MAP7: variants seen among roughly 807,000 people sequenced by gnomAD.
MAP7 encodes the protein microtubule associated protein 7, also known as ensconsin.
A neutral mutation model predicts 94.8 loss-of-function variants in MAP7; 52 were observed. That is an observed-to-expected ratio of 0.55 (90% CI 0.44 to 0.69). The LOEUF is 0.69. Among genes scored for constraint, MAP7 ranks in the 30% least tolerant of loss-of-function variants. The probability of loss-of-function intolerance (pLI) is 0.00; values close to 1 mark genes in which losing one functional copy is unlikely to be tolerated. For missense variants in MAP7, 940 were observed against 964.6 expected (o/e 0.97, Z 0.34); for synonymous variants, 350 against 357.0 (o/e 0.98, Z 0.22).
chr6:136,409,918 G>T (rs1232448572), intron 3 of MAP7, among the ~76,000 whole-genome samples: 2 of 152,160 alleles, frequency 1.3e-5, no homozygotes, highest in Admixed American at 1.3e-4. Context: ...TTGAAATATG[G>T]CATTACATGT....
At chr6:136,466,444 A>G (rs1807099087) in intron 1 of MAP7, among the ~76,000 whole-genome samples, 1 of 152,190 alleles carries the variant, frequency 6.6e-6, no homozygotes, top group Admixed American at 6.5e-5. Flanking sequence ...TGTCAAAAAA[A>G]GAAAGAAGTA....
intron 6 of MAP7, among the ~76,000 whole-genome samples, chr6:136,379,871 A>G (rs1284735565): frequency 6.6e-6 from 1 of 152,234 alleles, no homozygotes; most frequent in Non-Finnish European, 1.5e-5. Flanking sequence ...TGAACTAAAC[A>G]TATTGCTAGG....
At chr6:136,451,738 A>T (rs1232330128) in intron 1 of MAP7, among the ~76,000 whole-genome samples, 1 of 152,210 alleles carries the variant, frequency 6.6e-6, no homozygotes, top group Non-Finnish European at 1.5e-5. Context: ...AGGAGGTCAA[A>T]AATGTCAACA....
intron 1 of MAP7, among the ~76,000 whole-genome samples, chr6:136,423,725 TA>T (rs545495506): frequency 1.2e-3 from 161 of 133,000 alleles, no homozygotes; most frequent in East Asian, 4.7e-3. Context: ...ATCTGAGCCT[TA>T]AAAAAAAAAA....
At chr6:136,369,093 C>T (rs1794992152) in intron 8 of MAP7, among the ~76,000 whole-genome samples, 1 of 152,224 alleles carries the variant, frequency 6.6e-6, no homozygotes, top group Non-Finnish European at 1.5e-5. Context: ...TTAACACTTA[C>T]TGCTTTAGCA....
intron 1 of MAP7, among the ~76,000 whole-genome samples, chr6:136,451,456 G>C (rs1801092948): frequency 6.6e-6 from 1 of 152,140 alleles, no homozygotes; most frequent in Non-Finnish European, 1.5e-5. Context: ...AAATATTACT[G>C]TTCATTGACA....
chr6:136,525,302 C>G (rs1167954596), intron 1 of MAP7, among the ~76,000 whole-genome samples: 1 of 152,196 alleles, frequency 6.6e-6, no homozygotes, highest in Non-Finnish European at 1.5e-5. Flanking sequence ...CACATTCGCC[C>G]TCAATGTTTG....
intron 1 of MAP7, among the ~76,000 whole-genome samples, chr6:136,424,981 C>T (rs930159483): frequency 6.6e-5 from 10 of 152,214 alleles, no homozygotes; most frequent in African/African-American, 2.4e-4. Context: ...TGGAGGAATA[C>T]TAGGTTCCCA....
chr6:136,404,524 A>G (rs1387079510), intron 3 of MAP7, among the ~76,000 whole-genome samples: 3 of 152,214 alleles, frequency 2.0e-5, no homozygotes, highest in Admixed American at 6.5e-5. Flanking sequence ...CTTAGCTACA[A>G]AACTCAATAT....
chr6:136,494,534 T>C (rs987749381), intron 1 of MAP7, among the ~76,000 whole-genome samples: 3 of 152,116 alleles, frequency 2.0e-5, no homozygotes, highest in Non-Finnish European at 4.4e-5. Context: ...TTAATGCAAC[T>C]GAACTATACA....
At chr6:136,424,310 ATC>A (rs1792448786) in intron 1 of MAP7, among the ~76,000 whole-genome samples, 1 of 143,180 alleles carries the variant, frequency 7.0e-6, no homozygotes, top group African/African-American at 2.6e-5. Flanking sequence ...ATTTATTTGA[ATC>A]TCTCTTCTTT....
intron 7 of MAP7, 108 bp downstream of exon 7, chr6:136,377,647 G>A (rs567013353): frequency 1.4e-5 from 11 of 765,694 alleles, no homozygotes; most frequent in Middle Eastern, 2.4e-4. Context: ...CATTTCCACC[G>A]GGGGAAGAGA....
intron 15 of MAP7, among the ~76,000 whole-genome samples, chr6:136,359,582 T>C (rs1184875489): frequency 6.6e-6 from 1 of 152,108 alleles, no homozygotes; most frequent in East Asian, 1.9e-4. Flanking sequence ...TTACATAAGA[T>C]GATTTAAAAT....
rs375668436 is a variant in MAP7 at position 136,365,878 on chromosome 6, T to G, written c.1130A>C (p.Lys377Thr). 4 of 1,614,032 alleles carry G rather than the reference T, an allele frequency of 2.5e-6. No individual in the cohort carries two copies. The highest frequency in any genetic ancestry group is 3.4e-6 in the Non-Finnish European group (4 of 1,180,036). Reference sequence around the variant, plus strand: ...AGGATCTTTCTTCTCAGGCTCCACTTTGACTTCCCTCTTGACAGGGCGGAT... The same window carrying G: ...AGGATCTTTCTTCTCAGGCTCCACTGTGACTTCCCTCTTGACAGGGCGGAT... ...GNIRPVKREV[K>T]VEPEKKDPEK... Residue 377 changes from lysine to threonine, a missense_variant, in exon 10 of 18, where the codon AAA (lysine) becomes ACA (threonine). Physicochemically the swap from Lys to Thr is moderately conservative, Grantham distance 78 (BLOSUM62 -1). Coordinates refer to ENST00000354570, the MANE Select transcript of MAP7 (RefSeq NM_003980.6).
intron 3 of MAP7, among the ~76,000 whole-genome samples, chr6:136,403,452 G>A (rs1784736773): frequency 6.6e-6 from 1 of 152,224 alleles, no homozygotes; most frequent in Admixed American, 6.5e-5. Context: ...AAGTGATGAA[G>A]TTGGCATTCA....
At chr6:136,514,302 T>C (rs1824110385) in intron 1 of MAP7, among the ~76,000 whole-genome samples, 1 of 151,944 alleles carries the variant, frequency 6.6e-6, no homozygotes, top group Non-Finnish European at 1.5e-5. Context: ...AACCTCCTTG[T>C]GGCCGGGTGC....
chr6:136,434,870 T>C (rs1370326248), intron 1 of MAP7, among the ~76,000 whole-genome samples: 2 of 152,148 alleles, frequency 1.3e-5, no homozygotes, highest in African/African-American at 4.8e-5. Flanking sequence ...GCTGACTGAG[T>C]GGCCCATCAG....
At chr6:136,362,776 C>T in intron 10 of MAP7, 74 bp from the exon 11 acceptor site, 1 of 1,502,930 alleles carries the variant, frequency 6.7e-7, no homozygotes, top group East Asian at 2.3e-5. Context: ...TAGCATTCCC[C>T]ACATCCAAGG....
chr6:136,377,610 C>G, intron 7 of MAP7, 145 bp downstream of exon 7: 1 of 605,890 alleles, frequency 1.7e-6, no homozygotes, highest in Non-Finnish European at 3.0e-6. Flanking sequence ...GAAACAATGA[C>G]AGGGGTATGA....
Sources: allele counts gnomAD v4.1 joint callset (sites outside exome capture counted in the v4.1 genomes callset), GRCh38; gene constraint gnomAD v4.1.1; transcripts MANE v1.5; gene names NCBI Gene and HGNC (gene_info 2026-07-23, HGNC 2026-07-21).